Variants in MGAT4A observed in about 807,000 individuals in gnomAD.
MGAT4A encodes the protein N-acetylglucosaminyltransferase IVa.
A neutral mutation model predicts 74.1 loss-of-function variants in MGAT4A; 33 were observed. The ratio of observed to expected loss-of-function variants is 0.45; its 90% CI spans 0.34 to 0.60. The LOEUF is 0.60. MGAT4A is among the 20% of genes least tolerant of loss of function. The pLI, the probability that MGAT4A is intolerant of heterozygous loss-of-function variation, is 0.02. For synonymous variants in MGAT4A, 198 were observed against 210.4 expected, an observed-to-expected ratio of 0.94 and a Z score of 0.51; for missense variants, 479 against 628.3, an observed-to-expected ratio of 0.76 and a Z score of 2.54.
intron 2 of MGAT4A, among the ~76,000 whole-genome samples, chr2:98,708,545 A>C (rs1297654153): frequency 6.6e-6 from 1 of 152,222 alleles, no homozygotes; most frequent in Non-Finnish European, 1.5e-5. Flanking sequence ...AGTTACACTT[A>C]GTAACAAAAC....
chr2:98,631,646 G>C (rs887862342), intron 14 of MGAT4A, among the ~76,000 whole-genome samples: 1 of 152,220 alleles, frequency 6.6e-6, no homozygotes, highest in Non-Finnish European at 1.5e-5. Context: ...TCGGAGGAGA[G>C]CCTAGGCAGC....
intron 8 of MGAT4A, among the ~76,000 whole-genome samples, chr2:98,650,986 C>G (rs984246534): frequency 2.0e-5 from 3 of 151,074 alleles, no homozygotes; most frequent in African/African-American, 7.3e-5. Context: ...TCAGGCTGGG[C>G]GCAGCAAGGT....
intron 1 of MGAT4A, among the ~76,000 whole-genome samples, chr2:98,730,432 T>C: frequency 6.6e-6 from 1 of 152,158 alleles, no homozygotes; most frequent in East Asian, 1.9e-4. Context: ...GGGGCTGCTC[T>C]TTCACGCGGG....
At chr2:98,691,784 T>A (rs914885285) in intron 2 of MGAT4A, among the ~76,000 whole-genome samples, 13 of 152,210 alleles carry the variant, frequency 8.5e-5, no homozygotes, top group Non-Finnish European at 1.5e-5. Context: ...TCATGGGAGA[T>A]GACAGCTTCA....
intron 8 of MGAT4A, among the ~76,000 whole-genome samples, chr2:98,650,787 C>A (rs946538960): frequency 1.3e-5 from 2 of 152,194 alleles, no homozygotes; most frequent in South Asian, 4.1e-4. Context: ...CCCATCTCTA[C>A]TAAAAATACA....
At chr2:98,707,215 A>AT (rs996436034) in intron 2 of MGAT4A, among the ~76,000 whole-genome samples, 31 of 152,250 alleles carry the variant, frequency 2.0e-4, no homozygotes, top group African/African-American at 7.5e-4. Flanking sequence ...CCCTGTCTCC[A>AT]TTTTTTTAAA....
At chr2:98,705,232 G>A (rs1413106645) in intron 2 of MGAT4A, among the ~76,000 whole-genome samples, 1 of 152,184 alleles carries the variant, frequency 6.6e-6, no homozygotes, top group Admixed American at 6.5e-5. Context: ...ATGCTGTGCA[G>A]GTTTCACAGG....
In MGAT4A at chr2:98,636,492, A is replaced by C. The variant is rs750186451; in HGVS notation, c.1401+25T>G. Reference sequence around the variant, plus strand: ...TCTACTAGTATTAGTTGTTAGGGAAAGGTAAGAGGAAATAGCAGTCATACC... The same window carrying C: ...TCTACTAGTATTAGTTGTTAGGGAACGGTAAGAGGAAATAGCAGTCATACC... On this transcript the variant is annotated intron_variant, in intron 13 of 15. Coordinates refer to ENST00000393487, the MANE Select transcript of MGAT4A (RefSeq NM_012214.3). 133 of 1,553,158 alleles carry C rather than the reference A, an allele frequency of 8.6e-5. No homozygotes were observed. The Admixed American group carries it at 2.2e-3, about 26-fold the overall frequency.
At chr2:98,630,903 C>T (rs1701222068) in intron 14 of MGAT4A, among the ~76,000 whole-genome samples, 1 of 152,052 alleles carries the variant, frequency 6.6e-6, no homozygotes. Flanking sequence ...GTCCTTAACC[C>T]AATGGTCTGG....
chr2:98,643,982 T>C lies in MGAT4A; in HGVS notation c.961A>G (p.Ile321Val), dbSNP rs1196991611. Residue 321 changes from isoleucine to valine, a missense_variant, in exon 10 of 16, where the codon ATT becomes GTT. By Grantham distance (29) the Ile-to-Val change is conservative. Coordinates refer to ENST00000393487, the MANE Select transcript of MGAT4A (RefSeq NM_012214.3). ...AGAATATGGTCCAGGAGCCAATCAA[T>C]GGGTTTCTCCTTGTAAAACATGAAT... ...FIFMFYKEKP[I>V]DWLLDHILWV... The C allele has an allele frequency of 5.0e-6, 8 of 1,601,170 alleles. No individual in the cohort carries two copies. The highest frequency in any genetic ancestry group is 6.8e-6 in the Non-Finnish European group (8 of 1,171,300).
intron 2 of MGAT4A, 133 bp downstream of exon 2, chr2:98,726,106 A>G (rs1702759397): frequency 3.4e-6 from 2 of 584,696 alleles, no homozygotes; most frequent in Non-Finnish European, 6.1e-6. Context: ...TCATTTTTAT[A>G]TCAGAAAGAA....
chr2:98,723,952 A>C (rs761568302), intron 2 of MGAT4A, among the ~76,000 whole-genome samples: 1 of 152,166 alleles, frequency 6.6e-6, no homozygotes, highest in Non-Finnish European at 1.5e-5. Flanking sequence ...TGGTTTCTCC[A>C]TTTACAGAAA....
At chr2:98,632,052 G>C (rs1035838026) in intron 14 of MGAT4A, among the ~76,000 whole-genome samples, 6 of 152,202 alleles carry the variant, frequency 3.9e-5, no homozygotes, top group African/African-American at 1.4e-4. Flanking sequence ...GGCGCTTGCA[G>C]TGAGCCGGGA....
intron 10 of MGAT4A, among the ~76,000 whole-genome samples, chr2:98,643,623 A>C (rs915340197): frequency 6.6e-6 from 1 of 152,226 alleles, no homozygotes; most frequent in Non-Finnish European, 1.5e-5. Context: ...ATGGTATCCC[A>C]TGCCAAGAAC....
intron 8 of MGAT4A, among the ~76,000 whole-genome samples, chr2:98,649,831 C>T (rs1701552280): frequency 6.6e-6 from 1 of 152,054 alleles, no homozygotes; most frequent in Non-Finnish European, 1.5e-5. Flanking sequence ...GGAGAGGTGG[C>T]TGATTTTTCA....
chr2:98,705,580 T>C (rs1465197461), intron 2 of MGAT4A, among the ~76,000 whole-genome samples: 3 of 152,194 alleles, frequency 2.0e-5, no homozygotes, highest in East Asian at 3.9e-4. Context: ...AAATTAATAT[T>C]GTCCATTTTA....
chr2:98,704,362 C>T (rs927332765), intron 2 of MGAT4A, among the ~76,000 whole-genome samples: 2 of 152,204 alleles, frequency 1.3e-5, no homozygotes, highest in Admixed American at 6.5e-5. Context: ...GTCTGAGCAA[C>T]ATGGCAAAAC....
At position 98,621,060 on chromosome 2, in the gene MGAT4A, T is replaced by G. The variant is rs969048869; in HGVS notation, c.*4506A>C. ...CCAGCATACTACAGGGAATCAAGTA[T>G]GAAGATTTCCTCTTTACCTCTTTTA... On this transcript the variant is annotated 3_prime_UTR_variant, in exon 16 of 16. Coordinates refer to ENST00000393487, the MANE Select transcript of MGAT4A (RefSeq NM_012214.3). 1.8e-5 allele frequency: 3 copies of G among 171,272 alleles called. No individual in the cohort carries two copies. The highest frequency in any genetic ancestry group is 7.1e-5 in the African/African-American group (3 of 42,236). The allele number at this position is 171,272 out of a possible 1,614,324, so 10.6% of individuals were successfully genotyped here. A position where few individuals can be genotyped will look rare whatever the true frequency, so the allele number is the denominator to read the frequency against.
chr2:98,627,949 A>C (rs1206133614), intron 14 of MGAT4A, among the ~76,000 whole-genome samples: 2 of 152,222 alleles, frequency 1.3e-5, no homozygotes, highest in Non-Finnish European at 2.9e-5. Flanking sequence ...TCTTTTCTGC[A>C]AAGTACCTGG....
Sources: gnomAD v4.1 joint callset for allele counts (sites outside exome capture counted in the v4.1 genomes callset) on GRCh38, gnomAD v4.1.1 for gene constraint, MANE v1.5 for transcripts, NCBI Gene and HGNC (gene_info 2026-07-23, HGNC 2026-07-21) for gene names.